HMX1: variants seen among roughly 807,000 people sequenced by gnomAD.
HMX1 encodes the protein homeobox protein HMX1.
A neutral mutation model predicts 8.9 loss-of-function variants in HMX1; 8 were observed. The observed-to-expected ratio is 0.90, with a 90% CI of 0.53 to 1.63. The LOEUF is 1.63. HMX1 is among the 40% of genes most tolerant of loss of function. The pLI is 0.00. For synonymous variants in HMX1, 311 were observed against 283.4 expected, an observed-to-expected ratio of 1.10 and a Z score of -0.98; for missense variants, 621 against 558.5, an observed-to-expected ratio of 1.11 and a Z score of -1.13.
In HMX1 at chr4:8,871,744, A is replaced by G. The variant is rs4074894; in HGVS notation, c.-130T>C. 9.9e-7 allele frequency: 1 copy of G among 1,014,814 alleles called. No homozygotes were observed. Among genetic ancestry groups the G allele is most frequent in the Non-Finnish European group, 1.2e-6 (1 of 850,412 alleles). 62.9% of individuals were successfully genotyped at this position (1,014,814 alleles called of 1,614,324 possible). On this transcript the variant is annotated 5_prime_UTR_variant, in exon 1 of 2. Transcript: ENST00000400677. This position sits in a 1 kb window ranked among gnomAD's most constrained non-coding sequence, Gnocchi z 4.8. Reference sequence around the variant, plus strand: ...CCGGACCGCTGGCGTCGGGCCCCGCAGGGCAGGCGGCGGCCTCCGCGCCGG... The same window carrying G: ...CCGGACCGCTGGCGTCGGGCCCCGCGGGGCAGGCGGCGGCCTCCGCGCCGG...
In HMX1 at chr4:8,867,177, A is replaced by G. The variant is rs1436416695; in HGVS notation, c.*516T>C. ...TCCTGGAACGGACGATGGGACCCAC[A>G]GGTCCAGGGTCCTTTCTCCACCAGC... On this transcript the variant is annotated 3_prime_UTR_variant, in exon 2 of 2. Transcript: ENST00000400677. 36 of 985,386 alleles carry G rather than the reference A, an allele frequency of 3.7e-5. No homozygotes were observed. Among genetic ancestry groups the G allele is most frequent in the Non-Finnish European group, 4.2e-5 (35 of 829,960 alleles). The allele number at this position is 985,386 out of a possible 1,614,324, so 61.0% of individuals were successfully genotyped here. A position where few individuals can be genotyped will look rare whatever the true frequency, so the allele number is the denominator to read the frequency against.
chr4:8,855,130 G>A (rs550950806), intron 1 of HMX1, among the ~76,000 whole-genome samples: 1 of 152,328 alleles, frequency 6.6e-6, no homozygotes, highest in East Asian at 1.9e-4. Flanking sequence ...TCTCCCCCGT[G>A]GACTCCACGC....
At chr4:8,865,497 T>G (rs1721966243), downstream of HMX1, among the ~76,000 whole-genome samples, 1 of 150,126 alleles carries the variant, frequency 6.7e-6, no homozygotes, top group African/African-American at 2.5e-5. Flanking sequence ...ACTCGGAGGC[T>G]CCGCGGTGTC....
In HMX1 at chr4:8,871,098, C is replaced by G. The variant is rs1009402654; in HGVS notation, c.394+123G>C. The G allele has an allele frequency of 9.2e-7, 1 of 1,091,558 alleles. No homozygotes were observed. Among genetic ancestry groups the G allele is most frequent in the African/African-American group, 1.7e-5 (1 of 59,242 alleles). 67.6% of individuals were successfully genotyped at this position (1,091,558 alleles called of 1,614,324 possible). ...TGGGGGCCCCACAAGGCCCAGACGC[C>G]GTTCCACAGAAGGGAGAGGATGGCC... is the stretch of plus-strand genomic sequence containing the variant. On this transcript the variant is annotated intron_variant, in intron 1 of 1. Transcript: ENST00000400677. The surrounding 1 kb of genome is among the most constrained non-coding windows in gnomAD (Gnocchi z 4.8).
In HMX1 at chr4:8,868,177, G is replaced by T. The variant is rs761151270; in HGVS notation, c.563C>A (p.Ala188Glu). ...EASELAEVPA[A>E]AGETRGGVGV... Reference sequence around the variant, plus strand: ...AACGCCGCCGCGTGTCTCCCCAGCCGCCGCAGGGACCTCGGCCAGCTCCGA... The same window carrying T: ...AACGCCGCCGCGTGTCTCCCCAGCCTCCGCAGGGACCTCGGCCAGCTCCGA... The change falls in exon 2 of 2, where the codon GCG becomes GAG. Residue 188 changes from alanine (A) to glutamate (E), a missense_variant. Ala to Glu is a moderately radical substitution (Grantham distance 107). Coordinates refer to ENST00000400677, the MANE Select transcript of HMX1 (RefSeq NM_018942.3). The surrounding 1 kb of genome is among the most constrained non-coding windows in gnomAD (Gnocchi z 4.6). The T allele has an allele frequency of 1.3e-6, 2 of 1,496,960 alleles. No individual in the cohort carries two copies. The highest frequency in any genetic ancestry group is 8.9e-7 in the Non-Finnish European group (1 of 1,128,952). The allele number at this position is 1,496,960 out of a possible 1,614,324, so 92.7% of individuals were successfully genotyped here. A position where few individuals can be genotyped will look rare whatever the true frequency, so the allele number is the denominator to read the frequency against.
chr4:8,851,715 G>T (rs192281144), intron 1 of HMX1, among the ~76,000 whole-genome samples: 1 of 152,196 alleles, frequency 6.6e-6, no homozygotes, highest in Non-Finnish European at 1.5e-5. Flanking sequence ...TGGGCCTCTC[G>T]GGGCCTCCAT....
At position 8,867,402 on chromosome 4, in the gene HMX1, G is replaced by GGCCGA. The variant is rs1553817251; in HGVS notation, c.*290_*291insTCGGC. ...GCCATGGCCGACCGCTCCTCGCTGA[G>GGCCGA]GCCGGGGGGTGGCCGTGGCGCCGGG... On this transcript the variant is annotated 3_prime_UTR_variant, in exon 2 of 2. Coordinates refer to ENST00000400677, the MANE Select transcript of HMX1 (RefSeq NM_018942.3). 103 of 1,073,362 alleles carry GGCCGA rather than the reference G, an allele frequency of 9.6e-5. No homozygotes were observed. The highest frequency in any genetic ancestry group is 1.1e-4 in the Non-Finnish European group (100 of 887,958). 66.5% of individuals were successfully genotyped at this position (1,073,362 alleles called of 1,614,324 possible).
intron 1 of HMX1, among the ~76,000 whole-genome samples, chr4:8,861,013 G>A (rs1577196858): frequency 1.3e-5 from 2 of 151,106 alleles, no homozygotes; most frequent in East Asian, 3.9e-4. Context: ...AGGGGGCGGG[G>A]CGCCCGGGAG....
chr4:8,871,642 C>T lies in HMX1; in HGVS notation c.-28G>A. 8.1e-7 allele frequency: 1 copy of T among 1,228,154 alleles called. No individual in the cohort carries two copies. The highest frequency in any genetic ancestry group is 2.9e-5 in the South Asian group (1 of 34,994). 76.1% of individuals were successfully genotyped at this position (1,228,154 alleles called of 1,614,324 possible). On this transcript the variant is annotated 5_prime_UTR_variant, in exon 1 of 2. Coordinates refer to ENST00000400677, the MANE Select transcript of HMX1 (RefSeq NM_018942.3). This position sits in a 1 kb window ranked among gnomAD's most constrained non-coding sequence, Gnocchi z 4.8. Reference sequence around the variant, plus strand: ...CGGCCGCGGGCTTCTCGGGCTCGGCCGGGCTCCTCGGTCCCCGCTGGGGAT... The same window carrying T: ...CGGCCGCGGGCTTCTCGGGCTCGGCTGGGCTCCTCGGTCCCCGCTGGGGAT...
chr4:8,868,478 A>T lies in HMX1; in HGVS notation c.395-133T>A, dbSNP rs1304113929. ...AAGACCTTCCAGCACAGGGCTGGGC[A>T]CCCAGCAGCTCTGGGGATGCACACA... On this transcript the variant is annotated intron_variant, in intron 1 of 1. Transcript: ENST00000400677. This position sits in a 1 kb window ranked among gnomAD's most constrained non-coding sequence, Gnocchi z 4.6. 2.9e-6 allele frequency: 2 copies of T among 680,506 alleles called. No individual in the cohort carries two copies. Among genetic ancestry groups the T allele is most frequent in the East Asian group, 7.3e-5 (2 of 27,294 alleles). The allele number at this position is 680,506 out of a possible 1,614,324, so 42.2% of individuals were successfully genotyped here.
chr4:8,847,249 C>G lies in HMX1; in HGVS notation c.395-925G>C, dbSNP rs889869496. Among the ~76,000 whole-genome samples the G allele has an allele frequency of 1.3e-5, 2 of 151,988 alleles. No homozygotes were observed. The highest frequency in any genetic ancestry group is 4.8e-5 in the African/African-American group (2 of 41,352). ...AGGAGCTCCAGTCCAGCCTGAGTAA[C>G]GTAGCAAGACTCTGTCTTTAAAAAT... On this transcript the variant is annotated intron_variant, in intron 1 of 1. Transcript: ENST00000506970. This position sits in a 1 kb window ranked among gnomAD's most constrained non-coding sequence, Gnocchi z 6.0.
intron 1 of HMX1, among the ~76,000 whole-genome samples, chr4:8,851,491 G>A (rs556203266): frequency 3.9e-5 from 6 of 152,302 alleles, no homozygotes; most frequent in South Asian, 2.1e-4. Context: ...GTTCATCACC[G>A]GTCGGGGCAC....
chr4:8,846,684 C>A (rs1721286949), intron 1 of HMX1, among the ~76,000 whole-genome samples: 1 of 151,870 alleles, frequency 6.6e-6, no homozygotes, highest in Non-Finnish European at 1.5e-5. Flanking sequence ...CCTGCAAACA[C>A]CCCACACCCC....
Position 8,847,843 on chromosome 4 carries a change from C to T in HMX1, c.395-1519G>A, listed in dbSNP as rs920103136. On this transcript the variant is annotated intron_variant, in intron 1 of 1. Transcript: ENST00000506970. This position sits in a 1 kb window ranked among gnomAD's most constrained non-coding sequence, Gnocchi z 6.0. ...AGGGGAATGGGAAGGACAAGAAGAACCTCGGGGTTGGCTGGAGTGGCTCTG... is the reference window on the plus strand; with the variant it reads ...AGGGGAATGGGAAGGACAAGAAGAATCTCGGGGTTGGCTGGAGTGGCTCTG... 6.6e-6 allele frequency among the ~76,000 whole-genome samples: 1 copy of T among 152,164 alleles called. No homozygotes were observed. The highest frequency in any genetic ancestry group is 1.5e-5 in the Non-Finnish European group (1 of 68,020).
At position 8,849,672 on chromosome 4, in the gene HMX1, C is replaced by T. The variant is rs915735608; in HGVS notation, c.395-3348G>A. Among the ~76,000 whole-genome samples the T allele has an allele frequency of 5.3e-5, 8 of 152,326 alleles. No homozygotes were observed. Among genetic ancestry groups the T allele is most frequent in the South Asian group, 4.1e-4 (2 of 4,830 alleles). ...CTGGGGTCCCCCCGGCCCCAGCGTG[C>T]GGTCTTCAACTGTCATCAGGCCCAT... is the stretch of plus-strand genomic sequence containing the variant. On this transcript the variant is annotated intron_variant, in intron 1 of 1. Coordinates refer to the HMX1 transcript ENST00000506970. The surrounding 1 kb of genome is among the most constrained non-coding windows in gnomAD (Gnocchi z 6.6).
In HMX1 at chr4:8,868,815, C is replaced by A. The variant is rs997734526; in HGVS notation, c.395-470G>T. On this transcript the variant is annotated intron_variant, in intron 1 of 1. Coordinates refer to ENST00000400677, the MANE Select transcript of HMX1 (RefSeq NM_018942.3). This position sits in a 1 kb window ranked among gnomAD's most constrained non-coding sequence, Gnocchi z 4.6. ...CACACCGAAAAACAAGCACAGGACA[C>A]CCCCTGCCACCTGGCATCCAGCCCC... is the stretch of plus-strand genomic sequence containing the variant. Among the ~76,000 whole-genome samples, 3 of 152,146 alleles carry A rather than the reference C, an allele frequency of 2.0e-5. No homozygotes were observed. The highest frequency in any genetic ancestry group is 7.2e-5 in the African/African-American group (3 of 41,422).
intron 1 of HMX1, among the ~76,000 whole-genome samples, chr4:8,850,747 C>T (rs1046821191): frequency 2.0e-5 from 3 of 152,238 alleles, no homozygotes; most frequent in Non-Finnish European, 2.9e-5. Flanking sequence ...CGCGGGTGGG[C>T]GTCACCACTC....
At chr4:8,860,123 C>T (rs1721747745) in intron 1 of HMX1, among the ~76,000 whole-genome samples, 1 of 152,250 alleles carries the variant, frequency 6.6e-6, no homozygotes, top group Non-Finnish European at 1.5e-5. Context: ...TCAGCAGGGC[C>T]CTGGTGCCTG....
intron 1 of HMX1, chr4:8,860,879 G>C (rs185532804): frequency 6.6e-6 from 1 of 152,192 alleles, no homozygotes; most frequent in African/African-American, 2.4e-5. Context: ...GAGAAGTGGC[G>C]AGGTGAGAAC....
Sources: gnomAD v4.1 joint callset for allele counts (sites outside exome capture counted in the v4.1 genomes callset) on GRCh38, gnomAD v4.1.1 for gene constraint, Gnocchi (gnomAD v3.1) non-coding constraint, MANE v1.5 for transcripts, NCBI Gene and HGNC (gene_info 2026-07-23, HGNC 2026-07-21) for gene names.